Variants in TFDP2 observed in about 807,000 individuals in gnomAD.
The protein encoded by TFDP2 is transcription factor Dp-2.
TFDP2 carries 17 observed loss-of-function variants against 59.3 expected under a neutral mutation model. The observed-to-expected ratio is 0.29, with a 90% confidence interval of 0.20 to 0.43. TFDP2 has a LOEUF of 0.43. Ranked by LOEUF, TFDP2 falls within the 20% of genes least tolerant of loss-of-function variation. The pLI is 1.00. For synonymous variants in TFDP2, 180 were observed against 194.7 expected, an observed-to-expected ratio of 0.92 and a Z score of 0.63; for missense variants, 391 against 528.8, an observed-to-expected ratio of 0.74 and a Z score of 2.56.
At chr3:142,007,172 T>C (rs1341372419) in intron 3 of TFDP2, among the ~76,000 whole-genome samples, 3 of 152,214 alleles carry the variant, frequency 2.0e-5, no homozygotes, top group African/African-American at 4.8e-5. Context: ...AACTATTCCA[T>C]TGGCCCTTTC....
chr3:141,995,975 T>C lies in TFDP2; in HGVS notation c.187-834A>G, dbSNP rs1346643450. ...ACCATAAAACATTCTACCATGTGGA[T>C]TTATTATTCTCTATTAGATATATAT... is the stretch of plus-strand genomic sequence containing the variant. On this transcript the variant is annotated intron_variant, in intron 4 of 12. Coordinates refer to ENST00000489671, the MANE Select transcript of TFDP2 (RefSeq NM_001178139.2). Among the ~76,000 whole-genome samples the C allele has an allele frequency of 2.6e-5, 4 of 152,048 alleles. No individual in the cohort carries two copies. The East Asian group carries it at 5.8e-4, about 22-fold the overall frequency.
intron 3 of TFDP2, chr3:142,043,520 C>G (rs974636611): frequency 1.1e-5 from 6 of 539,200 alleles, no homozygotes; most frequent in African/African-American, 1.9e-5. Context: ...CATGCCACCA[C>G]ACTCGGCTAA....
chr3:141,987,114 G>C (rs370081498), intron 6 of TFDP2, among the ~76,000 whole-genome samples: 5 of 152,004 alleles, frequency 3.3e-5, no homozygotes, highest in African/African-American at 9.7e-5. Context: ...TTTTATTAAG[G>C]CTTTCCATTT....
At chr3:142,068,867 A>C (rs1470356414) in intron 3 of TFDP2, among the ~76,000 whole-genome samples, 1 of 151,666 alleles carries the variant, frequency 6.6e-6, no homozygotes, top group Non-Finnish European at 1.5e-5. Context: ...CCTGTTCCTC[A>C]CTTCTTTAAA....
chr3:141,988,733 A>G (rs978823974), intron 6 of TFDP2, among the ~76,000 whole-genome samples: 2 of 146,856 alleles, frequency 1.4e-5, no homozygotes, highest in Non-Finnish European at 3.0e-5. Flanking sequence ...CAGTGGTGCA[A>G]TCTCAGCTCA....
chr3:141,968,381 C>T (rs12330323), intron 9 of TFDP2, among the ~76,000 whole-genome samples: 2 of 90,528 alleles, frequency 2.2e-5, no homozygotes, highest in Non-Finnish European at 4.2e-5. Context: ...TAACATATAT[C>T]TCATATATAT....
intron 7 of TFDP2, among the ~76,000 whole-genome samples, chr3:141,976,725 G>C (rs1940693150): frequency 6.6e-6 from 1 of 151,982 alleles, no homozygotes; most frequent in South Asian, 2.1e-4. Flanking sequence ...GCTCACAAAG[G>C]GGCTTGCAGA....
At chr3:142,134,778 T>C (rs2062657851) in intron 1 of TFDP2, among the ~76,000 whole-genome samples, 1 of 152,028 alleles carries the variant, frequency 6.6e-6, no homozygotes, top group Non-Finnish European at 1.5e-5. Context: ...CAGACAAACC[T>C]AGATACATAG....
intron 3 of TFDP2, among the ~76,000 whole-genome samples, chr3:142,069,169 C>G (rs1240786360): frequency 1.3e-5 from 2 of 152,110 alleles, no homozygotes; most frequent in Non-Finnish European, 2.9e-5. Flanking sequence ...CCGACTTGAC[C>G]TCCGAAAGTG....
Position 142,132,339 on chromosome 3 carries a change from G to A in TFDP2, c.-93+16844C>T, listed in dbSNP as rs1435958829. ...GGGAAGTAACTGCTAATGAGTATGG[G>A]GTTTTTTTAAGAGTGATGAAAATGT... On this transcript the variant is annotated intron_variant, in intron 1 of 12. Coordinates refer to ENST00000489671, the MANE Select transcript of TFDP2 (RefSeq NM_001178139.2). 6.0e-5 allele frequency among the ~76,000 whole-genome samples: 9 copies of A among 150,098 alleles called. 1 individual carries two copies. Among genetic ancestry groups the A allele is most frequent in the African/African-American group, 2.0e-4 (8 of 39,630 alleles).
chr3:142,031,512 C>A (rs916154660), intron 3 of TFDP2, among the ~76,000 whole-genome samples: 1 of 152,298 alleles, frequency 6.6e-6, no homozygotes, highest in South Asian at 2.1e-4. Flanking sequence ...ATAATCACTA[C>A]CTTTTATGTT....
At chr3:142,004,777 A>T (rs903963926) in intron 4 of TFDP2, among the ~76,000 whole-genome samples, 3 of 152,240 alleles carry the variant, frequency 2.0e-5, no homozygotes, top group African/African-American at 7.2e-5. Context: ...TACATAGTTT[A>T]GAGTAGTAAA....
At chr3:142,027,613 C>G (rs1395332570) in intron 3 of TFDP2, among the ~76,000 whole-genome samples, 1 of 152,140 alleles carries the variant, frequency 6.6e-6, no homozygotes, top group African/African-American at 2.4e-5. Flanking sequence ...GAAACATTCA[C>G]TTCCTTATTG....
At chr3:142,034,164 C>T (rs1018760232) in intron 3 of TFDP2, among the ~76,000 whole-genome samples, 7 of 146,150 alleles carry the variant, frequency 4.8e-5, no homozygotes, top group Admixed American at 4.2e-4. Context: ...GGCGTGATCT[C>T]GGCTCACCTC....
chr3:142,140,112 A>C (rs1282293546), intron 1 of TFDP2, among the ~76,000 whole-genome samples: 2 of 152,046 alleles, frequency 1.3e-5, no homozygotes, highest in Non-Finnish European at 2.9e-5. Flanking sequence ...TTATTTCATT[A>C]ATTTGATCTT....
At chr3:142,066,919 CAG>C (rs2060091217) in intron 3 of TFDP2, among the ~76,000 whole-genome samples, 1 of 152,074 alleles carries the variant, frequency 6.6e-6, no homozygotes, top group Non-Finnish European at 1.5e-5. Context: ...ATCATTGCAA[CAG>C]GGGCAGAAAA....
intron 9 of TFDP2, among the ~76,000 whole-genome samples, chr3:141,969,140 C>T (rs71619395): frequency 0.83 from 48,776 of 59,000 alleles, 21,030 homozygotes; most frequent in East Asian, 0.99. Context: ...CATATATATC[C>T]CATATATATG....
At chr3:142,097,796 C>A (rs924113056) in intron 2 of TFDP2, among the ~76,000 whole-genome samples, 1 of 152,078 alleles carries the variant, frequency 6.6e-6, no homozygotes, top group African/African-American at 2.4e-5. Flanking sequence ...GGCTCATGTC[C>A]ATAAACCCAG....
chr3:142,036,251 A>T (rs183740915), intron 3 of TFDP2, among the ~76,000 whole-genome samples: 1 of 152,164 alleles, frequency 6.6e-6, no homozygotes, highest in East Asian at 1.9e-4. Flanking sequence ...ATCTCCCACA[A>T]TTCCAGGTGC....
Sources: gnomAD v4.1 joint callset for allele counts (sites outside exome capture counted in the v4.1 genomes callset) on GRCh38, gnomAD v4.1.1 for gene constraint, MANE v1.5 for transcripts, NCBI Gene and HGNC (gene_info 2026-07-23, HGNC 2026-07-21) for gene names.